JADE1: variants seen among roughly 807,000 people sequenced by gnomAD.
The protein encoded by JADE1 is protein Jade-1.
JADE1 carries 14 observed loss-of-function variants against 81.8 expected under a neutral mutation model. The ratio of observed to expected loss-of-function variants is 0.17; its 90% confidence interval spans 0.11 to 0.27. JADE1 has a LOEUF of 0.27. Ranked by LOEUF, JADE1 falls within the 10% of genes least tolerant of loss-of-function variation. The probability of loss-of-function intolerance (pLI) is 1.00; values close to 1 mark genes in which losing one functional copy is unlikely to be tolerated. For missense variants in JADE1, 690 were observed against 1,047.9 expected, an observed-to-expected ratio of 0.66 and a Z score of 4.71; for synonymous variants, 353 against 391.9, an observed-to-expected ratio of 0.90 and a Z score of 1.17.
intron 8 of JADE1, among the ~76,000 whole-genome samples, chr4:128,859,545 GTGTATA>G (rs1375363125): frequency 9.0e-6 from 1 of 111,218 alleles, no homozygotes; most frequent in Non-Finnish European, 2.4e-5. Flanking sequence ...GTATGCATGC[GTGTATA>G]TGTGTATGTG....
At chr4:128,815,120 GCTCCCTGTAAGCTCCGC>G (rs1194819339) in intron 1 of JADE1, among the ~76,000 whole-genome samples, 253 of 112,524 alleles carry the variant, frequency 2.2e-3, no homozygotes, top group African/African-American at 6.9e-3. Flanking sequence ...TGCGATCTCG[GCTCCCTGTAAGCTCCGC>G]CTCCCTGTAA....
At chr4:128,863,579 TTAGGATTCC>T in intron 9 of JADE1, 1 of 985,408 alleles carries the variant, frequency 1.0e-6, no homozygotes, top group Non-Finnish European at 1.2e-6. Context: ...CCAGACCAGG[TTAGGATTCC>T]TGGGAAGGCC....
chr4:128,823,793 G>A (rs950057147), intron 1 of JADE1, among the ~76,000 whole-genome samples: 5 of 152,144 alleles, frequency 3.3e-5, no homozygotes, highest in African/African-American at 4.8e-5. Flanking sequence ...AGTCATAGTA[G>A]CATTTTTAGA....
At chr4:128,838,300 C>T (rs960355840) in intron 2 of JADE1, among the ~76,000 whole-genome samples, 3 of 152,182 alleles carry the variant, frequency 2.0e-5, no homozygotes, top group African/African-American at 7.2e-5. Flanking sequence ...TTGTTTTTAA[C>T]AGTGTATGTC....
intron 1 of JADE1, among the ~76,000 whole-genome samples, chr4:128,824,336 C>T (rs920908860): frequency 1.1e-4 from 16 of 151,990 alleles, no homozygotes; most frequent in African/African-American, 3.1e-4. Context: ...AGGAGAATAG[C>T]GTGAACCCGG....
chr4:128,827,952 A>G (rs1728215239), intron 1 of JADE1: 2 of 932,184 alleles, frequency 2.1e-6, no homozygotes, highest in African/African-American at 1.8e-5. Context: ...TTTTCTGGCT[A>G]CCTCCTCTTT....
rs1314629053 is a variant in JADE1 at position 128,831,778 on chromosome 4, C to G, written c.20C>G (p.Pro7Arg). 3 of 1,614,150 alleles carry G rather than the reference C, an allele frequency of 1.9e-6. No individual in the cohort carries two copies. Among genetic ancestry groups the G allele is most frequent in the Non-Finnish European group, 2.5e-6 (3 of 1,180,032 alleles). The change falls in exon 2 of 11, where the codon CCC (proline) becomes CGC (arginine). Residue 7 changes from proline (P) to arginine (R), a missense_variant. Around this residue, in one of 8 missense-constraint regions of JADE1, gnomAD observed 59 missense variants for 52.8 expected, o/e 1.12. Coordinates refer to ENST00000226319, the MANE Select transcript of JADE1 (RefSeq NM_199320.4). The stretch of plus-strand genomic sequence containing the variant: ...GAGATCATGAAACGAGGTCGCCTTC[C>G]CAGCAGCAGTGAGGATTCTGACGAC... Reference protein sequence around the residue: MKRGRLPSSSEDSDDNG... With the variant: MKRGRLRSSSEDSDDNG...
At chr4:128,827,243 C>G (rs1728159020) in intron 1 of JADE1, among the ~76,000 whole-genome samples, 1 of 152,140 alleles carries the variant, frequency 6.6e-6, no homozygotes, top group African/African-American at 2.4e-5. Context: ...CCATTTCTAA[C>G]AAGTGTCATG....
chr4:128,814,132 T>A (rs1188326138), intron 1 of JADE1, among the ~76,000 whole-genome samples: 1 of 152,120 alleles, frequency 6.6e-6, no homozygotes, highest in Non-Finnish European at 1.5e-5. Flanking sequence ...ATATTAGTTA[T>A]CCAGGTTGAA....
intron 8 of JADE1, among the ~76,000 whole-genome samples, chr4:128,859,481 A>G (rs1167926842): frequency 2.0e-5 from 3 of 151,406 alleles, no homozygotes; most frequent in South Asian, 2.1e-4. Context: ...ATGAGTATGC[A>G]TGTGAGTATG....
At chr4:128,852,919 CTTTT>C (rs59763506) in intron 6 of JADE1, among the ~76,000 whole-genome samples, 1 of 140,662 alleles carries the variant, frequency 7.1e-6, no homozygotes, top group Non-Finnish European at 1.6e-5. Flanking sequence ...TGGTGGTCTT[CTTTT>C]TTTTTTTTTT....
chr4:128,863,610 C>T, intron 9 of JADE1: 1 of 985,432 alleles, frequency 1.0e-6, no homozygotes, highest in Non-Finnish European at 1.2e-6. Flanking sequence ...CGGATTCCGG[C>T]CCTGGAAGAG....
intron 1 of JADE1, among the ~76,000 whole-genome samples, chr4:128,815,142 C>CTGTAAGCTCCGCCTCCA (rs1440267424): frequency 3.4e-5 from 5 of 145,086 alleles, no homozygotes; most frequent in Admixed American, 2.0e-4. Flanking sequence ...CTCCGCCTCC[C>CTGTAAGCTCCGCCTCCA]TGTAAGCTCC....
At position 128,874,825 on chromosome 4, in the gene JADE1, C is replaced by G. The variant is rs1358147774; in HGVS notation, c.*2563C>G. The stretch of plus-strand genomic sequence containing the variant: ...TATGTCAAAATGTAGGCTAGTTAAA[C>G]TTTTGTAAAGTTGCCTGGAATGTCA... On this transcript the variant is annotated 3_prime_UTR_variant, in exon 11 of 11. Coordinates refer to ENST00000226319, the MANE Select transcript of JADE1 (RefSeq NM_199320.4). 2 of 152,414 alleles carry G rather than the reference C, an allele frequency of 1.3e-5. No homozygotes were observed. The highest frequency in any genetic ancestry group is 4.8e-5 in the African/African-American group (2 of 41,370). The allele number at this position is 152,414 out of a possible 1,614,324, so 9.4% of individuals were successfully genotyped here.
At position 128,809,832 on chromosome 4, in the gene JADE1, C is replaced by G. The variant is rs1306398204; in HGVS notation, c.-72C>G. ...CCGAACTCATGCAGCTCCGAGCGAGCGAGCGGCGCCCAGCCCAGCGCCTCG... is the reference window on the plus strand; with the variant it reads ...CCGAACTCATGCAGCTCCGAGCGAGGGAGCGGCGCCCAGCCCAGCGCCTCG... On this transcript the variant is annotated 5_prime_UTR_variant, in exon 1 of 11. Transcript: ENST00000226319. 1 of 151,108 alleles carries G rather than the reference C, an allele frequency of 6.6e-6. No individual in the cohort carries two copies. The highest frequency in any genetic ancestry group is 1.5e-5 in the Non-Finnish European group (1 of 67,584). 9.4% of individuals were successfully genotyped at this position (151,108 alleles called of 1,614,324 possible).
chr4:128,866,238 T>G (rs1731770576), intron 9 of JADE1, among the ~76,000 whole-genome samples: 1 of 152,250 alleles, frequency 6.6e-6, no homozygotes, highest in African/African-American at 2.4e-5. Context: ...TAATATTTAC[T>G]ATGAGACAGG....
intron 1 of JADE1, among the ~76,000 whole-genome samples, chr4:128,820,845 A>T (rs1727502976): frequency 6.6e-6 from 1 of 152,132 alleles, no homozygotes; most frequent in Non-Finnish European, 1.5e-5. Flanking sequence ...TAGCTGGTGG[A>T]GTCTGGTTTC....
rs1402899444 is a variant in JADE1, at chr4:128,874,800, T to TATG, written c.*2539_*2541dup. Reference sequence around the variant, plus strand: ...ATATCTTTGATTATGATTAATGTATTATGTCAAAATGTAGGCTAGTTAAAC... The same window carrying TATG: ...ATATCTTTGATTATGATTAATGTATTATGATGTCAAAATGTAGGCTAGTTAAAC... On this transcript the variant is annotated 3_prime_UTR_variant, in exon 11 of 11. Coordinates refer to ENST00000226319, the MANE Select transcript of JADE1 (RefSeq NM_199320.4). The TATG allele has an allele frequency of 6.6e-6, 1 of 152,630 alleles. No homozygotes were observed. The highest frequency in any genetic ancestry group is 6.5e-5 in the Admixed American group (1 of 15,276). The allele number at this position is 152,630 out of a possible 1,614,324, so 9.5% of individuals were successfully genotyped here.
intron 6 of JADE1, among the ~76,000 whole-genome samples, chr4:128,854,131 A>T (rs1730598707): frequency 6.6e-6 from 1 of 151,130 alleles, no homozygotes; most frequent in African/African-American, 2.4e-5. Flanking sequence ...CTGCTTGAAA[A>T]CTGGTCAACC....
Sources: gnomAD v4.1 joint callset for allele counts (sites outside exome capture counted in the v4.1 genomes callset) on GRCh38, gnomAD v4.1.1 for gene constraint, gnomAD v4.1.1 regional missense constraint, MANE v1.5 for transcripts, NCBI Gene and HGNC (gene_info 2026-07-23, HGNC 2026-07-21) for gene names.